Variants in COL27A1 observed in about 807,000 individuals in gnomAD.
COL27A1 encodes collagen alpha-1(XXVII) chain.
Under a neutral mutation model 251.3 loss-of-function variants are expected in COL27A1, and 106 were observed. That is an observed-to-expected ratio of 0.42 (90% confidence interval 0.36 to 0.50). COL27A1 has a LOEUF of 0.50. Ranked by LOEUF, COL27A1 falls within the 20% of genes least tolerant of loss-of-function variation. The pLI is 0.00. For synonymous variants in COL27A1, 1,000 were observed against 986.3 expected (o/e 1.01, Z -0.26); for missense variants, 2,325 against 2,522.8 (o/e 0.92, Z 1.68).
intron 49 of COL27A1, among the ~76,000 whole-genome samples, chr9:114,297,245 C>T (rs907716555): frequency 6.6e-6 from 1 of 152,012 alleles, no homozygotes; most frequent in Non-Finnish European, 1.5e-5. Context: ...TAAAATTACC[C>T]CTTCTTTGCA....
chr9:114,292,992 A>G lies in COL27A1; in HGVS notation c.4584+782A>G, dbSNP rs140525250. 9.8e-4 allele frequency among the ~76,000 whole-genome samples: 150 copies of G among 152,364 alleles called. 2 individuals carry two copies. In the East Asian group the frequency reaches 0.026, roughly 26 times the overall value. Reference sequence around the variant, plus strand: ...ACAAGGAGAAATAGACAAATTCACAATTATACTCAAGGATTTCAATATATT... The same window carrying G: ...ACAAGGAGAAATAGACAAATTCACAGTTATACTCAAGGATTTCAATATATT... On this transcript the variant is annotated intron_variant, in intron 49 of 60. Coordinates refer to ENST00000356083, the MANE Select transcript of COL27A1 (RefSeq NM_032888.4).
intron 35 of COL27A1, 70 bp from the exon 36 acceptor site, chr9:114,270,658 A>G: frequency 1.6e-6 from 2 of 1,232,436 alleles, no homozygotes; most frequent in East Asian, 2.4e-5. Context: ...GGGAGGGGGA[A>G]GAGAGGAAAA....
chr9:114,289,377 G>A (rs942957389), intron 45 of COL27A1, 82 bp downstream of exon 45: 6 of 1,370,212 alleles, frequency 4.4e-6, no homozygotes, highest in South Asian at 1.4e-5. Context: ...CAAACCAAAC[G>A]CAGGCTGCAG....
chr9:114,222,140 T>C, intron 13 of COL27A1, 83 bp from the exon 14 acceptor site: 1 of 1,187,700 alleles, frequency 8.4e-7, no homozygotes, highest in South Asian at 1.2e-5. Context: ...CCCCACCAGG[T>C]GCCTGTGTGG....
At position 114,168,854 on chromosome 9, in the gene COL27A1, C is replaced by G. The variant is rs769351304; in HGVS notation, c.1299C>G (p.Pro433=). ...EKPIQRNPGM[P]RPPPPSTRPL... is the part of the protein sequence containing the mutation. ...CCATCCAGAGGAACCCGGGAATGCCCAGGCCCCCACCGCCCAGCACCCGGC... is the reference window on the plus strand; with the variant it reads ...CCATCCAGAGGAACCCGGGAATGCCGAGGCCCCCACCGCCCAGCACCCGGC... Residue 433 remains proline (P), a synonymous_variant, in exon 3 of 61, where the codon CCC becomes CCG. Transcript: ENST00000356083. 6.2e-7 allele frequency: 1 copy of G among 1,613,922 alleles called. No individual in the cohort carries two copies. Among genetic ancestry groups the G allele is most frequent in the Non-Finnish European group, 8.5e-7 (1 of 1,180,014 alleles).
chr9:114,250,190 C>T (rs1833432469), intron 24 of COL27A1, among the ~76,000 whole-genome samples: 1 of 152,232 alleles, frequency 6.6e-6, no homozygotes, highest in African/African-American at 2.4e-5. Context: ...TTGGCGGAGG[C>T]TGTTACGGTA....
chr9:114,239,015 T>G (rs1382606614), intron 19 of COL27A1, among the ~76,000 whole-genome samples: 1 of 152,190 alleles, frequency 6.6e-6, no homozygotes, highest in Non-Finnish European at 1.5e-5. Context: ...GCCATCAGCC[T>G]CTCCCGTCTT....
rs1385890310 is a variant in COL27A1 at position 114,231,843 on chromosome 9, G to A, written c.2542G>A (p.Glu848Lys). The change falls in exon 16 of 61, where the codon GAG becomes AAG. Residue 848 changes from glutamate to lysine, a missense_variant. By Grantham distance (56) the Glu-to-Lys change is moderately conservative. Coordinates refer to ENST00000356083, the MANE Select transcript of COL27A1 (RefSeq NM_032888.4). ...GCAGGGACTGATGGGCAGCGTGGGG[G>A]AGCCCGGACTGAAAGGTGATAAGGT... ...GMKGLMGSVG[E>K]PGLKGDKGEQ... The A allele has an allele frequency of 1.2e-6, 2 of 1,614,194 alleles. No individual in the cohort carries two copies. The highest frequency in any genetic ancestry group is 1.7e-5 in the Admixed American group (1 of 60,024).
intron 4 of COL27A1, among the ~76,000 whole-genome samples, chr9:114,182,502 C>T (rs1564439718): frequency 1.3e-5 from 2 of 151,754 alleles, no homozygotes; most frequent in Admixed American, 6.6e-5. Flanking sequence ...AAAGATGCTG[C>T]CAGATGAGGG....
intron 51 of COL27A1, 52 bp downstream of exon 51, chr9:114,300,739 T>C (rs979759726): frequency 2.8e-6 from 4 of 1,432,918 alleles, no homozygotes; most frequent in South Asian, 1.5e-5. Flanking sequence ...AGGCCCAAGG[T>C]TGGCCAGCCA....
chr9:114,276,049 CT>C (rs1471589394), intron 37 of COL27A1, among the ~76,000 whole-genome samples: 1 of 152,188 alleles, frequency 6.6e-6, no homozygotes, highest in Non-Finnish European at 1.5e-5. Flanking sequence ...ACACACTAAA[CT>C]TTTTTCAGTT....
At chr9:114,193,642 G>A (rs1828902415) in intron 5 of COL27A1, among the ~76,000 whole-genome samples, 1 of 152,000 alleles carries the variant, frequency 6.6e-6, no homozygotes, top group Non-Finnish European at 1.5e-5. Flanking sequence ...TGCTTCCTTT[G>A]CCTCACTAGA....
chr9:114,299,866 G>A (rs551919694), intron 49 of COL27A1, among the ~76,000 whole-genome samples: 3 of 152,332 alleles, frequency 2.0e-5, no homozygotes, highest in Admixed American at 6.5e-5. Flanking sequence ...CTCATCTGAC[G>A]GAGAGCACAG....
chr9:114,264,322 G>A (rs1324256432), intron 28 of COL27A1, 33 bp from the exon 29 acceptor site: 1 of 1,543,308 alleles, frequency 6.5e-7, no homozygotes, highest in Non-Finnish European at 8.8e-7. Context: ...GACCCCTGCT[G>A]TCCGGTGTGC....
intron 50 of COL27A1, 23 bp downstream of exon 50, chr9:114,300,146 G>A: frequency 6.2e-7 from 1 of 1,608,742 alleles, no homozygotes; most frequent in Non-Finnish European, 8.5e-7. Flanking sequence ...ACGGCTCACT[G>A]TTCCTGTGGG....
At position 114,301,713 on chromosome 9, in the gene COL27A1, C is replaced by T; in HGVS notation, c.4841C>T (p.Pro1614Leu). The T allele has an allele frequency of 6.2e-7, 1 of 1,612,254 alleles. No homozygotes were observed. The highest frequency in any genetic ancestry group is 2.2e-5 in the East Asian group (1 of 44,836). The change falls in exon 55 of 61, where the codon CCC becomes CTC. Residue 1614 changes from proline to leucine, a missense_variant. Around this residue, in one of 4 missense-constraint regions of COL27A1, gnomAD observed 327 missense variants for 442.8 expected, o/e 0.74. Coordinates refer to ENST00000356083, the MANE Select transcript of COL27A1 (RefSeq NM_032888.4). ...GPPGPRGRPG[P>L]PGPPGGPIQL... Reference sequence around the variant, plus strand: ...CCCGGCCCCAGAGGGCGGCCCGGCCCCCCGGTAGGTAACTGAGTGCTGGGT... The same window carrying T: ...CCCGGCCCCAGAGGGCGGCCCGGCCTCCCGGTAGGTAACTGAGTGCTGGGT...
intron 28 of COL27A1, among the ~76,000 whole-genome samples, chr9:114,262,513 CCCTGGCAGAG>C (rs1406872920): frequency 6.6e-6 from 1 of 152,256 alleles, no homozygotes; most frequent in Non-Finnish European, 1.5e-5. Context: ...CTGCCCCCTC[CCCTGGCAGAG>C]CCTGGCAGGG....
At chr9:114,202,034 C>T (rs915322778) in intron 7 of COL27A1, among the ~76,000 whole-genome samples, 1 of 152,314 alleles carries the variant, frequency 6.6e-6, no homozygotes, top group South Asian at 2.1e-4. Context: ...ATTTCTGCCT[C>T]CTAGGAGTGA....
rs1273218087 is a variant in COL27A1, at chr9:114,290,220, C to T, written c.4261-4C>T. The T allele has an allele frequency of 1.9e-6, 3 of 1,574,176 alleles. No individual in the cohort carries two copies. Among genetic ancestry groups the T allele is most frequent in the Admixed American group, 1.9e-5 (1 of 52,924 alleles). On this transcript the variant is annotated splice_polypyrimidine_tract_variant and splice_region_variant and intron_variant, in intron 46 of 60. Transcript: ENST00000356083. This position sits in a 1 kb window ranked among gnomAD's most constrained non-coding sequence, Gnocchi z 4.6. ...CCCTCACCAGCTTTTTATGTACCCC[C>T]CAGGGCCTGCAGGGGCTGCCAGGGC...
Sources: allele counts gnomAD v4.1 joint callset (sites outside exome capture counted in the v4.1 genomes callset), GRCh38; gene constraint gnomAD v4.1.1; regional missense constraint gnomAD v4.1.1; non-coding constraint Gnocchi (gnomAD v3.1); transcripts MANE v1.5; gene names NCBI Gene and HGNC (gene_info 2026-07-23, HGNC 2026-07-21).